The following PAX5 variants were observed in gnomAD, a reference collection of about 807,000 sequenced individuals.
PAX5 encodes the protein paired box protein Pax-5.
In PAX5, 9 loss-of-function variants were observed where a neutral mutation model predicts 43.7. That is an observed-to-expected ratio of 0.21 (90% confidence interval 0.12 to 0.36). The LOEUF is 0.36. Among genes scored for constraint, PAX5 ranks in the 10% least tolerant of loss-of-function variants. The pLI is 1.00. For synonymous variants in PAX5, 228 were observed against 214.3 expected (o/e 1.06, Z -0.56); for missense variants, 383 against 532.7 (o/e 0.72, Z 2.77).
intron 6 of PAX5, among the ~76,000 whole-genome samples, chr9:36,951,985 G>C (rs1372578526): frequency 6.6e-6 from 1 of 152,028 alleles, no homozygotes; most frequent in Admixed American, 6.6e-5. Context: ...ACTTAGATCA[G>C]CCTCCTCCCA....
chr9:36,913,055 C>A (rs1829435081), intron 7 of PAX5, among the ~76,000 whole-genome samples: 1 of 152,210 alleles, frequency 6.6e-6, no homozygotes, highest in African/African-American at 2.4e-5. Flanking sequence ...AGATTAAAAG[C>A]CAGAAGAGGG....
rs527250275 is a variant in PAX5, at chr9:36,952,595, C to G, written c.780+13954G>C. 1.1e-3 allele frequency among the ~76,000 whole-genome samples: 171 copies of G among 152,266 alleles called. 1 individual carries two copies. The highest frequency in any genetic ancestry group is 0.011 in the South Asian group (53 of 4,826). On this transcript the variant is annotated intron_variant, in intron 6 of 9. Transcript: ENST00000358127. Reference sequence around the variant, plus strand: ...CTTCTCTGGTTTCAACTGAACGTGTCATACAATTCCATTTTATCTCTTCTG... The same window carrying G: ...CTTCTCTGGTTTCAACTGAACGTGTGATACAATTCCATTTTATCTCTTCTG...
chr9:36,833,873 T>TTC lies in PAX5; in HGVS notation c.*6686_*6687insGA, dbSNP rs1428012844. The TTC allele has an allele frequency of 6.9e-4, 155 of 223,418 alleles. No homozygotes were observed. The highest frequency in any genetic ancestry group is 7.7e-4 in the Non-Finnish European group (90 of 116,250). The allele number at this position is 223,418 out of a possible 1,614,324, so 13.8% of individuals were successfully genotyped here. A position where few individuals can be genotyped will look rare whatever the true frequency, so the allele number is the denominator to read the frequency against. On this transcript the variant is annotated 3_prime_UTR_variant, in exon 10 of 10. Transcript: ENST00000358127. ...TTGGTTTTTTTGTATTTTTTTGTAT[T>TTC]TTTTTTTTTTTACAAGTAAGCGTCT...
Position 36,836,922 on chromosome 9 carries a change from G to A in PAX5, c.*3638C>T. On this transcript the variant is annotated 3_prime_UTR_variant, in exon 10 of 10. Transcript: ENST00000358127. ...CCCTCTGAACCTCAGGGACAGCTGG[G>A]AAAGAGTCTGGATGAAACCTCAGAA... 1 of 232,702 alleles carries A rather than the reference G, an allele frequency of 4.3e-6. No homozygotes were observed. Among genetic ancestry groups the A allele is most frequent in the Non-Finnish European group, 8.5e-6 (1 of 117,650 alleles). The allele number at this position is 232,702 out of a possible 1,614,324, so 14.4% of individuals were successfully genotyped here.
rs375647707 is a variant in PAX5, at chr9:36,892,564, A to C, written c.911-10459T>G. Among the ~76,000 whole-genome samples the C allele has an allele frequency of 1.5e-4, 23 of 152,310 alleles. No individual in the cohort carries two copies. In the East Asian group the frequency reaches 4.0e-3, roughly 27 times the overall value. On this transcript the variant is annotated intron_variant, in intron 7 of 9. Coordinates refer to ENST00000358127, the MANE Select transcript of PAX5 (RefSeq NM_016734.3). ...GCAGGCTGAGGCTGACTTCAGAGCC[A>C]GTCACTCCTGCCTCACACACACGAT...
At chr9:36,961,764 G>A (rs569415844) in intron 6 of PAX5, among the ~76,000 whole-genome samples, 4 of 152,256 alleles carry the variant, frequency 2.6e-5, no homozygotes, top group Non-Finnish European at 4.4e-5. Flanking sequence ...CAACGTCAAC[G>A]GGAGTTTTAC....
chr9:36,972,402 G>GTTACTACT (rs1834989053), intron 5 of PAX5, among the ~76,000 whole-genome samples: 1 of 152,216 alleles, frequency 6.6e-6, no homozygotes, highest in African/African-American at 2.4e-5. Context: ...AGAGACCCCA[G>GTTACTACT]TAGTAAGCTA....
intron 6 of PAX5, among the ~76,000 whole-genome samples, chr9:36,924,442 G>A (rs745641697): frequency 1.9e-4 from 29 of 152,158 alleles, no homozygotes; most frequent in Non-Finnish European, 7.3e-5. Flanking sequence ...ATATGCGGCT[G>A]GGTGCAGTGG....
intron 4 of PAX5, among the ~76,000 whole-genome samples, chr9:37,006,100 A>C (rs1838364025): frequency 6.6e-6 from 1 of 152,262 alleles, no homozygotes; most frequent in African/African-American, 2.4e-5. Flanking sequence ...GAAGAAAAAA[A>C]CACATTCAAA....
At chr9:36,897,698 T>A (rs1827989234) in intron 7 of PAX5, among the ~76,000 whole-genome samples, 1 of 152,236 alleles carries the variant, frequency 6.6e-6, no homozygotes, top group African/African-American at 2.4e-5. Context: ...GTTTTCTCTG[T>A]TGCTTTCCTG....
intron 1 of PAX5, among the ~76,000 whole-genome samples, chr9:37,032,075 A>C (rs560424772): frequency 6.1e-4 from 93 of 152,270 alleles, no homozygotes; most frequent in African/African-American, 2.2e-3. Flanking sequence ...CCAGGCAGGC[A>C]GCTCTTCCCC....
chr9:37,001,198 T>C (rs1837819846), intron 5 of PAX5, among the ~76,000 whole-genome samples: 1 of 152,080 alleles, frequency 6.6e-6, no homozygotes, highest in African/African-American at 2.4e-5. Context: ...GAAAACAAAG[T>C]AAATAATGCC....
At chr9:36,869,791 G>A (rs1379500570) in intron 8 of PAX5, among the ~76,000 whole-genome samples, 1 of 152,220 alleles carries the variant, frequency 6.6e-6, no homozygotes, top group Admixed American at 6.5e-5. Flanking sequence ...AGCGATAGTG[G>A]ATGGATGGGT....
intron 1 of PAX5, among the ~76,000 whole-genome samples, chr9:37,029,109 G>T (rs1411876344): frequency 6.6e-6 from 1 of 152,204 alleles, no homozygotes; most frequent in Admixed American, 6.5e-5. Flanking sequence ...GTGATGATCC[G>T]CTAATATTAA....
rs35734654 is a variant in PAX5, at chr9:36,933,143, C to CAAA, written c.781-9662_781-9660dup. Among the ~76,000 whole-genome samples, 93 of 96,462 alleles carry CAAA rather than the reference C, an allele frequency of 9.6e-4. 1 individual carries two copies. Among genetic ancestry groups the CAAA allele is most frequent in the South Asian group, 9.5e-3 (26 of 2,742 alleles). The allele number at this position is 96,462 out of a possible 152,430, so 63.3% of individuals were successfully genotyped here. Reference sequence around the variant, plus strand: ...TGGGTGACAGAGGGAGACCCTGTCTCAAAAAAAAAAAAAAAGGAAAAAAAA... The same window carrying CAAA: ...TGGGTGACAGAGGGAGACCCTGTCTCAAAAAAAAAAAAAAAAAAGGAAAAAAAA... On this transcript the variant is annotated intron_variant, in intron 6 of 9. Transcript: ENST00000358127.
chr9:36,846,576 G>GC (rs1822592636), intron 9 of PAX5, among the ~76,000 whole-genome samples: 1 of 152,106 alleles, frequency 6.6e-6, no homozygotes. Flanking sequence ...CTCCTTCAAT[G>GC]CCCCTTTTTT....
intron 5 of PAX5, among the ~76,000 whole-genome samples, chr9:36,998,683 G>A (rs558275774): frequency 3.3e-5 from 5 of 152,300 alleles, no homozygotes; most frequent in South Asian, 2.1e-4. Flanking sequence ...TAGAAGCAGT[G>A]TAAAATATTT....
intron 6 of PAX5, among the ~76,000 whole-genome samples, chr9:36,947,771 C>T (rs1832665606): frequency 6.6e-6 from 1 of 151,732 alleles, no homozygotes; most frequent in Non-Finnish European, 1.5e-5. Flanking sequence ...CCCCAGCACA[C>T]CTCACACTTT....
chr9:37,020,944 C>G, intron 1 of PAX5, 143 bp from the exon 2 acceptor site: 1 of 750,008 alleles, frequency 1.3e-6, no homozygotes, highest in Non-Finnish European at 2.2e-6. Flanking sequence ...TCCAATCGTG[C>G]AAACTACACG....
Sources: allele counts gnomAD v4.1 joint callset (sites outside exome capture counted in the v4.1 genomes callset), GRCh38; gene constraint gnomAD v4.1.1; transcripts MANE v1.5; gene names NCBI Gene and HGNC (gene_info 2026-07-23, HGNC 2026-07-21).